SP100: variants seen among roughly 807,000 people sequenced by gnomAD.
SP100 encodes SP100 nuclear body protein, also known as nuclear autoantigen Sp-100.
A neutral mutation model predicts 130.0 loss-of-function variants in SP100; 84 were observed. That is an observed-to-expected ratio of 0.65 (90% CI 0.54 to 0.77). The LOEUF (loss-of-function observed/expected upper bound fraction) is 0.77, where lower values mean the gene tolerates loss of function less well. SP100 is among the 30% of genes least tolerant of loss of function. The pLI is 0.00. For synonymous variants in SP100, 331 were observed against 351.7 expected (o/e 0.94, Z 0.66); for missense variants, 978 against 1,052.2 (o/e 0.93, Z 0.97).
In SP100 at chr2:230,499,489, T is replaced by C. The variant is rs1414488701; in HGVS notation, c.1720+954T>C. Among the ~76,000 whole-genome samples the C allele has an allele frequency of 3.7e-3, 23 of 6,208 alleles. 4 individuals carry two copies. Among genetic ancestry groups the C allele is most frequent in the Non-Finnish European group, 0.011 (22 of 2,024 alleles). 4.1% of individuals were successfully genotyped at this position (6,208 alleles called of 152,430 possible). ...TAGACTCTCTCTCTCTCTCTCTCTC[T>C]CCCCCTATATATATATATATAAATG... On this transcript the variant is annotated intron_variant, in intron 19 of 28. Coordinates refer to ENST00000340126, the MANE Select transcript of SP100 (RefSeq NM_001080391.2).
chr2:230,425,956 C>CT (rs1359033450), intron 2 of SP100, among the ~76,000 whole-genome samples: 1 of 152,028 alleles, frequency 6.6e-6, no homozygotes, highest in African/African-American at 2.4e-5. Context: ...AGATTATCTG[C>CT]TTTTTCAGGA....
At chr2:230,515,095 G>A in intron 24 of SP100, 1 of 1,612,862 alleles carries the variant, frequency 6.2e-7, no homozygotes, top group Non-Finnish European at 8.5e-7. Context: ...AACTTGTCAG[G>A]AGGAGCATAA....
At chr2:230,497,085 C>T in intron 18 of SP100, among the ~76,000 whole-genome samples, 1 of 152,170 alleles carries the variant, frequency 6.6e-6, no homozygotes, top group East Asian at 1.9e-4. Context: ...AGAATAGCCA[C>T]ACTACTTCCT....
intron 27 of SP100, 98 bp from the exon 28 acceptor site, chr2:230,541,794 G>T: frequency 1.5e-6 from 2 of 1,331,150 alleles, no homozygotes; most frequent in South Asian, 1.4e-5. Context: ...TTAGGATTTT[G>T]ACCTATGGAT....
intron 24 of SP100, among the ~76,000 whole-genome samples, chr2:230,520,387 G>C (rs540203103): frequency 6.6e-6 from 1 of 152,280 alleles, no homozygotes; most frequent in East Asian, 1.9e-4. Flanking sequence ...AAAACCTTGA[G>C]AGAAATAATT....
At chr2:230,433,433 TC>T (rs1177673281) in intron 2 of SP100, among the ~76,000 whole-genome samples, 2 of 152,152 alleles carry the variant, frequency 1.3e-5, no homozygotes, top group Admixed American at 1.3e-4. Flanking sequence ...GTATAAGTCT[TC>T]CAACTTTTTT....
At chr2:230,498,956 A>G (rs980495523) in intron 19 of SP100, among the ~76,000 whole-genome samples, 8 of 152,226 alleles carry the variant, frequency 5.3e-5, no homozygotes, top group African/African-American at 1.9e-4. Flanking sequence ...GTAAAGTGAA[A>G]TTAAGTCAGT....
intron 15 of SP100, 161 bp downstream of exon 15, chr2:230,470,259 G>T (rs1480259715): frequency 5.2e-6 from 7 of 1,342,540 alleles, no homozygotes; most frequent in Non-Finnish European, 5.8e-6. Flanking sequence ...AAAGAGGCAG[G>T]AAATTATGAT....
chr2:230,490,165 A>ATC (rs1456354374), intron 17 of SP100, among the ~76,000 whole-genome samples: 1 of 152,004 alleles, frequency 6.6e-6, no homozygotes, highest in Admixed American at 6.6e-5. Flanking sequence ...TGTTTTATGA[A>ATC]TCTGGGTGCT....
intron 19 of SP100, among the ~76,000 whole-genome samples, chr2:230,500,880 G>A (rs918666122): frequency 4.6e-5 from 7 of 152,154 alleles, no homozygotes; most frequent in Non-Finnish European, 1.0e-4. Context: ...GACAAGGAAC[G>A]AGTGGTAAGA....
chr2:230,437,162 A>G (rs186988318), intron 2 of SP100, among the ~76,000 whole-genome samples: 32 of 152,308 alleles, frequency 2.1e-4, no homozygotes, highest in Admixed American at 1.1e-3. Context: ...TTTTTAAAAA[A>G]TAACTGCTAG....
chr2:230,486,768 G>T (rs1041209379), intron 17 of SP100, among the ~76,000 whole-genome samples: 1 of 152,204 alleles, frequency 6.6e-6, no homozygotes, highest in Non-Finnish European at 1.5e-5. Flanking sequence ...CTTCCACAAT[G>T]GTTGAACTAA....
At chr2:230,476,394 T>C (rs2065550433) in intron 17 of SP100, among the ~76,000 whole-genome samples, 1 of 152,260 alleles carries the variant, frequency 6.6e-6, no homozygotes, top group Non-Finnish European at 1.5e-5. Context: ...TTTTGTATTC[T>C]GAAACTTTAC....
chr2:230,483,865 G>A (rs560757888), intron 17 of SP100, among the ~76,000 whole-genome samples: 7 of 152,094 alleles, frequency 4.6e-5, no homozygotes, highest in South Asian at 2.1e-4. Context: ...AAGGTTTTTC[G>A]AAGCCTCTGG....
At chr2:230,482,731 T>C (rs1038714692) in intron 17 of SP100, among the ~76,000 whole-genome samples, 1 of 152,184 alleles carries the variant, frequency 6.6e-6, no homozygotes, top group East Asian at 1.9e-4. Flanking sequence ...TTCTGGGCTT[T>C]CTAGTCTGAT....
At chr2:230,428,999 A>G (rs560524886) in intron 2 of SP100, among the ~76,000 whole-genome samples, 1 of 152,358 alleles carries the variant, frequency 6.6e-6, no homozygotes, top group East Asian at 1.9e-4. Context: ...TCATTACAAT[A>G]TTAGAGATTT....
Position 230,506,380 on chromosome 2 carries a change from G to A in SP100, c.1948G>A (p.Gly650Arg), listed in dbSNP as rs756225173. The change falls in exon 22 of 29, where the codon GGA becomes AGA. Residue 650 changes from glycine (G) to arginine (R), a missense_variant. Physicochemically the swap from Gly to Arg is moderately radical, Grantham distance 125. Transcript: ENST00000340126. The stretch of plus-strand genomic sequence containing the variant: ...GGAATTTGAAATTGAAGGAGACCGC[G>A]GAGCATCCAAGAACTGGAAGCTAAG... ...PREFEIEGDR[G>R]ASKNWKLSIR... is the part of the protein sequence containing the mutation. The A allele has an allele frequency of 2.2e-5, 36 of 1,613,696 alleles. No homozygotes were observed. The highest frequency in any genetic ancestry group is 3.3e-5 in the Admixed American group (2 of 59,990).
chr2:230,455,828 CATCTT>C (rs1442806593), intron 8 of SP100, among the ~76,000 whole-genome samples: 1 of 152,118 alleles, frequency 6.6e-6, no homozygotes, highest in Non-Finnish European at 1.5e-5. Context: ...TTACACAAAA[CATCTT>C]ATAACAGGCT....
rs1487112522 is a variant in SP100, at chr2:230,450,169, C to G, written c.737-3C>G. ...TCTCAGCTGTGATCTCGTTTATCTC[C>G]AGAGTCCTGCGAACAAATTGCTGTC... On this transcript the variant is annotated splice_region_variant and splice_polypyrimidine_tract_variant and intron_variant, in intron 7 of 28. Coordinates refer to ENST00000340126, the MANE Select transcript of SP100 (RefSeq NM_001080391.2). 6.2e-7 allele frequency: 1 copy of G among 1,610,854 alleles called. No individual in the cohort carries two copies. Among genetic ancestry groups the G allele is most frequent in the Admixed American group, 1.7e-5 (1 of 59,966 alleles).
Sources: allele counts gnomAD v4.1 joint callset (sites outside exome capture counted in the v4.1 genomes callset), GRCh38; gene constraint gnomAD v4.1.1; transcripts MANE v1.5; gene names NCBI Gene and HGNC (gene_info 2026-07-23, HGNC 2026-07-21).